The following ZNF684 variants were observed in gnomAD, a reference collection of about 807,000 sequenced individuals.
The protein encoded by ZNF684 is zinc finger protein 684.
A neutral mutation model predicts 12.8 loss-of-function variants in ZNF684; 13 were observed. That is an observed-to-expected ratio of 1.02 (90% confidence interval 0.66 to 1.62). ZNF684 has a LOEUF of 1.62. Ranked by LOEUF, ZNF684 falls within the 40% of genes most tolerant of loss-of-function variation. The pLI is 0.00. For synonymous variants in ZNF684, 118 were observed against 151.8 expected, an observed-to-expected ratio of 0.78 and a Z score of 1.64; for missense variants, 384 against 446.9, an observed-to-expected ratio of 0.86 and a Z score of 1.27.
chr1:40,543,702 C>T (rs1429652612), intron 4 of ZNF684, among the ~76,000 whole-genome samples: 2 of 152,138 alleles, frequency 1.3e-5, no homozygotes, highest in South Asian at 2.1e-4. Context: ...ATGATCCTCC[C>T]GCCTTGGCCT....
At chr1:40,541,467 G>C in intron 3 of ZNF684, 148 bp from the exon 4 acceptor site, 1 of 569,630 alleles carries the variant, frequency 1.8e-6, no homozygotes, top group Non-Finnish European at 3.2e-6. Context: ...ACAGGCGTGA[G>C]CCACCGCGCC....
chr1:40,532,798 C>A (rs1330912233), intron 1 of ZNF684, among the ~76,000 whole-genome samples: 1 of 152,022 alleles, frequency 6.6e-6, no homozygotes, highest in East Asian at 1.9e-4. Flanking sequence ...CTTCAGAGAC[C>A]AAGCTTTTAA....
intron 3 of ZNF684, 142 bp downstream of exon 3, chr1:40,540,854 G>C: frequency 1.1e-6 from 1 of 888,370 alleles, no homozygotes; most frequent in East Asian, 3.4e-5. Flanking sequence ...AATTGCTTGA[G>C]CCCAGGATTT....
chr1:40,540,246 T>A (rs1264700495), intron 2 of ZNF684, among the ~76,000 whole-genome samples: 1 of 152,244 alleles, frequency 6.6e-6, no homozygotes, highest in Non-Finnish European at 1.5e-5. Context: ...TTTCTTACTT[T>A]TAGCTCTCTG....
chr1:40,547,517 T>A lies in ZNF684; in HGVS notation c.*57T>A. ...TAAATATTTGCTAAATCTTATTAAA[T>A]ACTAAAGAATTCATGGTGAGAAGTC... On this transcript the variant is annotated 3_prime_UTR_variant, in exon 5 of 5. Coordinates refer to ENST00000372699, the MANE Select transcript of ZNF684 (RefSeq NM_152373.4). 6.4e-6 allele frequency: 9 copies of A among 1,413,630 alleles called. No individual in the cohort carries two copies. The highest frequency in any genetic ancestry group is 4.5e-5 in the South Asian group (3 of 66,824). 87.6% of individuals were successfully genotyped at this position (1,413,630 alleles called of 1,614,324 possible).
At chr1:40,533,823 C>CTTTTTT (rs574077502) in intron 2 of ZNF684, among the ~76,000 whole-genome samples, 1 of 123,922 alleles carries the variant, frequency 8.1e-6, no homozygotes, top group African/African-American at 3.1e-5. Flanking sequence ...GTTAGGTATT[C>CTTTTTT]TTTTTTTTTT....
At position 40,540,703 on chromosome 1, in the gene ZNF684, A is replaced by T. The variant is rs571307170; in HGVS notation, c.133A>T (p.Ile45Phe). 2 of 1,604,284 alleles carry T rather than the reference A, an allele frequency of 1.2e-6. No individual in the cohort carries two copies. The highest frequency in any genetic ancestry group is 2.7e-5 in the African/African-American group (2 of 74,462). Residue 45 changes from isoleucine (I) to phenylalanine (F), a missense_variant, in exon 3 of 5, where the codon ATC (isoleucine) becomes TTC (phenylalanine). Coordinates refer to ENST00000372699, the MANE Select transcript of ZNF684 (RefSeq NM_152373.4). The part of the protein sequence containing the change: ...DVMLENYRNL[I>F]SVGCPITKTK... ...GATGTTGGAGAACTATAGAAACCTCATCTCAGTGGGTAAGGACAATGAGTG... is the reference window on the plus strand; with the variant it reads ...GATGTTGGAGAACTATAGAAACCTCTTCTCAGTGGGTAAGGACAATGAGTG...
At position 40,547,673 on chromosome 1, in the gene ZNF684, C is replaced by A; in HGVS notation, c.*213C>A. 1 of 377,902 alleles carries A rather than the reference C, an allele frequency of 2.6e-6. No homozygotes were observed. Among genetic ancestry groups the A allele is most frequent in the Non-Finnish European group, 4.6e-6 (1 of 217,980 alleles). The allele number at this position is 377,902 out of a possible 1,614,324, so 23.4% of individuals were successfully genotyped here. ...CAACTATAAATAATAGAGCATAAAG[C>A]TTGGAAAGTAAGCATAACTTAAAAA... On this transcript the variant is annotated 3_prime_UTR_variant, in exon 5 of 5. Coordinates refer to ENST00000372699, the MANE Select transcript of ZNF684 (RefSeq NM_152373.4).
chr1:40,545,992 G>A (rs551787683), intron 4 of ZNF684, among the ~76,000 whole-genome samples: 15 of 139,722 alleles, frequency 1.1e-4, no homozygotes, highest in African/African-American at 2.2e-4. Flanking sequence ...GCGTGATCTC[G>A]GCTCACCACA....
intron 4 of ZNF684, among the ~76,000 whole-genome samples, chr1:40,542,795 C>T (rs894067850): frequency 2.2e-4 from 34 of 152,228 alleles, no homozygotes; most frequent in African/African-American, 7.9e-4. Flanking sequence ...GATTTTTTTC[C>T]TGTCAATAGT....
At chr1:40,543,373 G>A (rs546881933) in intron 4 of ZNF684, among the ~76,000 whole-genome samples, 51 of 151,708 alleles carry the variant, frequency 3.4e-4, no homozygotes, top group African/African-American at 1.2e-3. Context: ...TCTATAACAT[G>A]GTCCCATTTT....
Position 40,546,948 on chromosome 1 carries a change from C to G in ZNF684, c.625C>G (p.His209Asp). The G allele has an allele frequency of 6.2e-7, 1 of 1,614,116 alleles. No individual in the cohort carries two copies. Among genetic ancestry groups the G allele is most frequent in the Non-Finnish European group, 8.5e-7 (1 of 1,180,004 alleles). The change falls in exon 5 of 5, where the codon CAT becomes GAT. Residue 209 changes from histidine (H) to aspartate (D), a missense_variant. Physicochemically the swap from His to Asp is moderately conservative, Grantham distance 81. Coordinates refer to ENST00000372699, the MANE Select transcript of ZNF684 (RefSeq NM_152373.4). ...KAHLATHQKIHNGERPFVCND... is the reference protein window; with the variant it reads ...KAHLATHQKIDNGERPFVCND... Reference sequence around the variant, plus strand: ...ACACCTTGCAACTCATCAGAAAATTCATAATGGAGAGAGACCCTTTGTGTG... The same window carrying G: ...ACACCTTGCAACTCATCAGAAAATTGATAATGGAGAGAGACCCTTTGTGTG...
In ZNF684 at chr1:40,547,438, T is replaced by A. The variant is rs1432032176; in HGVS notation, c.1115T>A (p.Val372Glu). ...TTTTCCCAGAAGTCAAATCTTATTG[T>A]ACATCAGAAAATTCATACATAATAT... Reference protein sequence around the residue: ...KAFSQKSNLIVHQKIHT With the variant: ...KAFSQKSNLIEHQKIHT The change falls in exon 5 of 5, where the codon GTA (valine) becomes GAA (glutamate). Residue 372 changes from valine to glutamate, a missense_variant. Coordinates refer to ENST00000372699, the MANE Select transcript of ZNF684 (RefSeq NM_152373.4). The A allele has an allele frequency of 1.2e-6, 2 of 1,603,356 alleles. No homozygotes were observed. Among genetic ancestry groups the A allele is most frequent in the Non-Finnish European group, 1.7e-6 (2 of 1,173,626 alleles).
chr1:40,546,895 A>G lies in ZNF684; in HGVS notation c.572A>G (p.Asp191Gly), dbSNP rs762649663. 12 of 1,614,006 alleles carry G rather than the reference A, an allele frequency of 7.4e-6. 1 individual carries two copies. In the South Asian group the frequency reaches 1.3e-4, roughly 18 times the overall value. ...HTRKKPFECN[D>G]CGKAYSRKAH... ...AGGAAAAAACCTTTTGAATGCAATG[A>G]CTGTGGAAAAGCCTATAGCAGGAAG... Residue 191 changes from aspartate (D) to glycine (G), a missense_variant, in exon 5 of 5, where the codon GAC becomes GGC. Asp to Gly is a moderately conservative substitution (Grantham distance 94). Coordinates refer to ENST00000372699, the MANE Select transcript of ZNF684 (RefSeq NM_152373.4).
chr1:40,545,415 G>A (rs184135064), intron 4 of ZNF684, among the ~76,000 whole-genome samples: 1 of 152,136 alleles, frequency 6.6e-6, no homozygotes, highest in African/African-American at 2.4e-5. Context: ...GCTGAAGACT[G>A]GTTTGTTAGA....
chr1:40,535,501 G>A (rs1645979114), intron 2 of ZNF684, among the ~76,000 whole-genome samples: 1 of 152,170 alleles, frequency 6.6e-6, no homozygotes, highest in East Asian at 1.9e-4. Flanking sequence ...GGGATTAACT[G>A]TAATTGCTAG....
intron 2 of ZNF684, among the ~76,000 whole-genome samples, chr1:40,536,456 C>T (rs1402204575): frequency 6.7e-6 from 1 of 148,914 alleles, no homozygotes; most frequent in Non-Finnish European, 1.5e-5. Flanking sequence ...TCCATGTGTT[C>T]CTATTTTATT....
rs140579497 is a variant in ZNF684 at position 40,546,853 on chromosome 1, A to T, written c.530A>T (p.His177Leu). 7.4e-6 allele frequency: 12 copies of T among 1,613,126 alleles called. 1 individual carries two copies. The Admixed American group carries it at 1.5e-4, about 20-fold the overall frequency. The change falls in exon 5 of 5, where the codon CAT becomes CTT. Residue 177 changes from histidine to leucine, a missense_variant. By Grantham distance (99) the His-to-Leu change is moderately conservative. Transcript: ENST00000372699. ...AAAAAGAAGTTTCATTTCATTAGAC[A>T]TGAAAAAAATCATACAAGGAAAAAA... is the stretch of plus-strand genomic sequence containing the variant. The part of the protein sequence containing the change: ...AFKKKFHFIR[H>L]EKNHTRKKPF...
At chr1:40,536,320 G>A (rs1340395299) in intron 2 of ZNF684, among the ~76,000 whole-genome samples, 3 of 151,062 alleles carry the variant, frequency 2.0e-5, no homozygotes, top group Admixed American at 2.0e-4. Flanking sequence ...CATGAACCCG[G>A]GAGGTGGAGC....
Sources: allele counts gnomAD v4.1 joint callset (sites outside exome capture counted in the v4.1 genomes callset), GRCh38; gene constraint gnomAD v4.1.1; transcripts MANE v1.5; gene names NCBI Gene and HGNC (gene_info 2026-07-23, HGNC 2026-07-21).